Variants in BAHD1 observed in about 807,000 individuals in gnomAD.
The protein encoded by BAHD1 is bromo adjacent homology domain containing 1.
In BAHD1, 20 loss-of-function variants were observed where a neutral mutation model predicts 63.1. The ratio of observed to expected loss-of-function variants is 0.32; its 90% CI spans 0.22 to 0.46. The LOEUF (loss-of-function observed/expected upper bound fraction) is 0.46. Ranked by LOEUF, BAHD1 falls within the 20% of genes least tolerant of loss-of-function variation. The probability of loss-of-function intolerance (pLI) is 1.00; values close to 1 mark genes in which losing one functional copy is unlikely to be tolerated. For synonymous variants in BAHD1, 408 were observed against 426.8 expected (o/e 0.96, Z 0.54); for missense variants, 939 against 1,071.8 (o/e 0.88, Z 1.73).
At chr15:40,453,844 G>A (rs991132378) in intron 1 of BAHD1, 2 of 142,874 alleles carry the variant, frequency 1.4e-5, no homozygotes, top group Admixed American at 7.1e-5. Context: ...ATGGTGTCAC[G>A]CGCTTATAGT....
Position 40,467,370 on chromosome 15 carries a change from A to T in BAHD1, c.*1240A>T, listed in dbSNP as rs544769029. ...TTATTTCCTATCTGTACCAAAGAGG[A>T]GTATGGTGGGAGAGGGAGTGGAGTG... On this transcript the variant is annotated 3_prime_UTR_variant, in exon 7 of 7. Coordinates refer to ENST00000416165, the MANE Select transcript of BAHD1 (RefSeq NM_014952.5). 1 of 153,136 alleles carries T rather than the reference A, an allele frequency of 6.5e-6. No individual in the cohort carries two copies. Among genetic ancestry groups the T allele is most frequent in the African/African-American group, 2.4e-5 (1 of 41,546 alleles). The allele number at this position is 153,136 out of a possible 1,614,324, so 9.5% of individuals were successfully genotyped here.
chr15:40,458,324 T>G lies in BAHD1; in HGVS notation c.-14-127T>G. On this transcript the variant is annotated intron_variant, in intron 1 of 6. Transcript: ENST00000416165. The surrounding 1 kb of genome is among the most constrained non-coding windows in gnomAD (Gnocchi z 4.7). ...GGAAAGGGAGTCCCAGGAAAATCCA[T>G]ACTGGAGACAGGGTAGTTGTAGGCC... 7.8e-7 allele frequency: 1 copy of G among 1,277,204 alleles called. No individual in the cohort carries two copies. Among genetic ancestry groups the G allele is most frequent in the Non-Finnish European group, 1.1e-6 (1 of 946,902 alleles). The allele number at this position is 1,277,204 out of a possible 1,614,324, so 79.1% of individuals were successfully genotyped here.
chr15:40,447,423 C>A (rs757591478), intron 1 of BAHD1, among the ~76,000 whole-genome samples: 8 of 151,872 alleles, frequency 5.3e-5, no homozygotes, highest in South Asian at 2.1e-4. Context: ...AAAAATGAGC[C>A]GGGTCTGGTA....
At position 40,458,973 on chromosome 15, in the gene BAHD1, G is replaced by A. The variant is rs780611816; in HGVS notation, c.509G>A (p.Arg170Gln). The A allele has an allele frequency of 3.3e-5, 53 of 1,583,618 alleles. No homozygotes were observed. Among genetic ancestry groups the A allele is most frequent in the Admixed American group, 3.3e-4 (19 of 57,168 alleles). ...GGGGGCTGGTCCTCCTCCAAGAAGC[G>A]GCCCCGGCTGGGGGACCTTGGAGGA... Reference protein sequence around the residue: ...ATGGWSSSKKRPRLGDLGGGS... With the variant: ...ATGGWSSSKKQPRLGDLGGGS... The change falls in exon 2 of 7, where the codon CGG becomes CAG. Residue 170 changes from arginine (R) to glutamine (Q), a missense_variant. Arg to Gln is a conservative substitution (Grantham distance 43). Transcript: ENST00000416165. This position sits in a 1 kb window ranked among gnomAD's most constrained non-coding sequence, Gnocchi z 4.7.
rs1893595151 is a variant in BAHD1 at position 40,448,040 on chromosome 15, G to A, written c.-15+6772G>A. Among the ~76,000 whole-genome samples the A allele has an allele frequency of 3.3e-5, 5 of 152,022 alleles. No individual in the cohort carries two copies. In the South Asian group the frequency reaches 1.0e-3, roughly 31 times the overall value. ...AGGCGGATCACGAGGTCAGGAGATC[G>A]AGACCATCCTGGCCAACATGGTGAA... On this transcript the variant is annotated intron_variant, in intron 1 of 6. Coordinates refer to ENST00000416165, the MANE Select transcript of BAHD1 (RefSeq NM_014952.5).
At chr15:40,464,275 G>A in intron 4 of BAHD1, 196 bp from the exon 5 acceptor site, 1 of 651,870 alleles carries the variant, frequency 1.5e-6, no homozygotes, top group East Asian at 2.7e-5. Context: ...ACCTGTCAGT[G>A]CCTTCTCCCC....
chr15:40,442,227 T>G (rs1387419829), intron 1 of BAHD1, among the ~76,000 whole-genome samples: 1 of 150,714 alleles, frequency 6.6e-6, no homozygotes, highest in East Asian at 2.0e-4. Context: ...GGTGGTGGCG[T>G]CGGGGAGGGG....
chr15:40,447,112 C>T (rs754885298), intron 1 of BAHD1, among the ~76,000 whole-genome samples: 12 of 152,054 alleles, frequency 7.9e-5, no homozygotes, highest in Non-Finnish European at 1.3e-4. Flanking sequence ...ATTAGGGTGC[C>T]GCTTGATGCC....
At position 40,458,527 on chromosome 15, in the gene BAHD1, G is replaced by C; in HGVS notation, c.63G>C (p.Glu21Asp). The C allele has an allele frequency of 6.2e-7, 1 of 1,613,076 alleles. No individual in the cohort carries two copies. Among genetic ancestry groups the C allele is most frequent in the African/African-American group, 1.3e-5 (1 of 75,030 alleles). The stretch of plus-strand genomic sequence containing the variant: ...GTTCGGGCCTCACTGGCCGCCGAGA[G>C]CCCCTGCAGATGGAAGACAGCAACA... ...MLSSGLTGRR[E>D]PLQMEDSNME... Residue 21 changes from glutamate to aspartate, a missense_variant, in exon 2 of 7, where the codon GAG (glutamate) becomes GAC (aspartate). By Grantham distance (45) the Glu-to-Asp change is conservative (BLOSUM62 2). Transcript: ENST00000416165. This position sits in a 1 kb window ranked among gnomAD's most constrained non-coding sequence, Gnocchi z 4.7.
chr15:40,466,321 A>C lies in BAHD1; in HGVS notation c.*191A>C, dbSNP rs551024340. 10 of 536,944 alleles carry C rather than the reference A, an allele frequency of 1.9e-5. No homozygotes were observed. Among genetic ancestry groups the C allele is most frequent in the East Asian group, 1.6e-4 (5 of 31,592 alleles). 33.3% of individuals were successfully genotyped at this position (536,944 alleles called of 1,614,324 possible). A position where few individuals can be genotyped will look rare whatever the true frequency, so the allele number is the denominator to read the frequency against. On this transcript the variant is annotated 3_prime_UTR_variant, in exon 7 of 7. Coordinates refer to ENST00000416165, the MANE Select transcript of BAHD1 (RefSeq NM_014952.5). ...GGGAGGGAGCTGGGGAGGCCAGGGT[A>C]TAAGAAAAGCATCAGAACTCTCAGC... is the stretch of plus-strand genomic sequence containing the variant.
intron 1 of BAHD1, among the ~76,000 whole-genome samples, chr15:40,450,679 G>A (rs1893673874): frequency 6.6e-6 from 1 of 152,156 alleles, no homozygotes. Context: ...GCAGGTGTAG[G>A]TTTGCCTCTG....
chr15:40,442,144 C>T (rs911108360), intron 1 of BAHD1, among the ~76,000 whole-genome samples: 1 of 152,260 alleles, frequency 6.6e-6, no homozygotes, highest in African/African-American at 2.4e-5. Context: ...GGGCTGGGGG[C>T]CGGGTCAGGT....
At chr15:40,453,204 A>G (rs1893755920) in intron 1 of BAHD1, among the ~76,000 whole-genome samples, 1 of 152,140 alleles carries the variant, frequency 6.6e-6, no homozygotes, top group Non-Finnish European at 1.5e-5. Context: ...AGCTAAATAC[A>G]TTGCTCAGGA....
At chr15:40,456,322 G>C (rs1010115668) in intron 1 of BAHD1, among the ~76,000 whole-genome samples, 1 of 152,206 alleles carries the variant, frequency 6.6e-6, no homozygotes, top group African/African-American at 2.4e-5. Flanking sequence ...TGGTCACCCT[G>C]ATTAGAAGCA....
At position 40,459,081 on chromosome 15, in the gene BAHD1, G is replaced by T; in HGVS notation, c.617G>T (p.Ser206Ile). Residue 206 changes from serine to isoleucine, a missense_variant, in exon 2 of 7, where the codon AGC (serine) becomes ATC (isoleucine). By Grantham distance (142) the Ser-to-Ile change is moderately radical. Around this residue, in one of 5 missense-constraint regions of BAHD1, gnomAD observed 797 missense variants for 813.3 expected, o/e 0.98. Transcript: ENST00000416165. ...GACCCAGCTCCCAAGAGACTGGCTA[G>T]CCTGAACGCAGCTGCTTTCCTAAAA... ...DGDPAPKRLA[S>I]LNAAAFLKLS... is the part of the protein sequence containing the mutation. The T allele has an allele frequency of 1.9e-6, 3 of 1,612,496 alleles. No homozygotes were observed. The highest frequency in any genetic ancestry group is 2.5e-6 in the Non-Finnish European group (3 of 1,179,690).
At chr15:40,445,202 G>A (rs1595846364) in intron 1 of BAHD1, among the ~76,000 whole-genome samples, 1 of 123,324 alleles carries the variant, frequency 8.1e-6, no homozygotes, top group Non-Finnish European at 1.6e-5. Flanking sequence ...GAAAATTTCT[G>A]TTTATTTATT....
chr15:40,437,775 C>T (rs895570928), upstream of BAHD1, among the ~76,000 whole-genome samples: 61 of 152,252 alleles, frequency 4.0e-4, no homozygotes, highest in African/African-American at 1.4e-3. Flanking sequence ...TCAGGCCAGG[C>T]GGTCTTCGGG....
intron 5 of BAHD1, 131 bp downstream of exon 5, chr15:40,464,678 G>A: frequency 1.4e-6 from 1 of 710,700 alleles, no homozygotes. Context: ...TTGGACTCCA[G>A]AGAACCTGGG....
In BAHD1 at chr15:40,458,817, G is replaced by A; in HGVS notation, c.353G>A (p.Arg118His). ...DPGLAQPRKR[R>H]LASLNAEALN... ...GGCCTTGCCCAGCCCCGCAAGCGGC[G>A]CCTGGCCTCCCTCAATGCTGAAGCT... is the stretch of plus-strand genomic sequence containing the variant. The change falls in exon 2 of 7, where the codon CGC (arginine) becomes CAC (histidine). Residue 118 changes from arginine to histidine, a missense_variant. Arg to His is a conservative substitution (Grantham distance 29, BLOSUM62 0). Coordinates refer to ENST00000416165, the MANE Select transcript of BAHD1 (RefSeq NM_014952.5). This position sits in a 1 kb window ranked among gnomAD's most constrained non-coding sequence, Gnocchi z 4.7. 6.2e-7 allele frequency: 1 copy of A among 1,612,754 alleles called. No individual in the cohort carries two copies. Among genetic ancestry groups the A allele is most frequent in the Non-Finnish European group, 8.5e-7 (1 of 1,179,910 alleles).
Sources: gnomAD v4.1 joint callset for allele counts (sites outside exome capture counted in the v4.1 genomes callset) on GRCh38, gnomAD v4.1.1 for gene constraint, gnomAD v4.1.1 regional missense constraint, Gnocchi (gnomAD v3.1) non-coding constraint, MANE v1.5 for transcripts, NCBI Gene and HGNC (gene_info 2026-07-23, HGNC 2026-07-21) for gene names.